SPG11: variants seen among roughly 807,000 people sequenced by gnomAD.
SPG11 encodes the protein SPG11 vesicle trafficking associated, spatacsin.
In SPG11, 222 loss-of-function variants were observed where a neutral mutation model predicts 274.0. The observed-to-expected ratio is 0.81, with a 90% CI of 0.73 to 0.91. SPG11 has a LOEUF of 0.91. Among genes scored for constraint, SPG11 ranks in the 40% least tolerant of loss-of-function variants. SPG11 has a pLI of 0.00. For synonymous variants in SPG11, 1,144 were observed against 1,039.7 expected (o/e 1.10, Z -1.93); for missense variants, 3,114 against 2,872.7 (o/e 1.08, Z -1.92).
At chr15:44,622,859 T>G in intron 11 of SPG11, 60 bp from the exon 12 acceptor site, 1 of 1,212,982 alleles carries the variant, frequency 8.2e-7, no homozygotes, top group South Asian at 1.2e-5. Context: ...ATTTTGAACA[T>G]AAATATGTGT....
At chr15:44,598,522 G>A in intron 22 of SPG11, 109 bp downstream of exon 22, 1 of 1,322,444 alleles carries the variant, frequency 7.6e-7, no homozygotes, top group Non-Finnish European at 1.1e-6. Flanking sequence ...TGCAGGAAAA[G>A]GATAAAACCA....
At chr15:44,618,242 C>T (rs564019922) in intron 15 of SPG11, among the ~76,000 whole-genome samples, 32 of 152,136 alleles carry the variant, frequency 2.1e-4, no homozygotes, top group African/African-American at 7.2e-4. Context: ...GGCGCAGTGG[C>T]TCACGCCTGT....
chr15:44,634,485 G>A (rs149330861), intron 7 of SPG11, among the ~76,000 whole-genome samples: 84 of 148,820 alleles, frequency 5.6e-4, no homozygotes, highest in African/African-American at 1.9e-3. Context: ...GTTTCACTGC[G>A]TTTGGCTAGG....
intron 28 of SPG11, 130 bp from the exon 29 acceptor site, chr15:44,585,980 G>T: frequency 5.9e-6 from 3 of 507,508 alleles, no homozygotes; most frequent in African/African-American, 2.1e-5. Flanking sequence ...AAAATAAAAA[G>T]CTGTTTTTTT....
At chr15:44,583,671 T>C in intron 30 of SPG11, 143 bp downstream of exon 30, 1 of 907,596 alleles carries the variant, frequency 1.1e-6, no homozygotes, top group Non-Finnish European at 1.7e-6. Context: ...CCTAGTTAAT[T>C]GGCTAGTCTA....
Position 44,659,396 on chromosome 15 carries a change from C to A in SPG11, c.443-93G>T. 3.7e-5 allele frequency: 42 copies of A among 1,135,928 alleles called. No homozygotes were observed. The Middle Eastern group carries it at 8.6e-4, about 23-fold the overall frequency. 70.4% of individuals were successfully genotyped at this position (1,135,928 alleles called of 1,614,324 possible). The stretch of plus-strand genomic sequence containing the variant: ...ATAAACCTAATACAAAAAAGTAAAA[C>A]AAAAAAGGAACTGGACTTAGTCTAA... On this transcript the variant is annotated intron_variant, in intron 2 of 39. Transcript: ENST00000261866.
In SPG11 at chr15:44,567,585, G is replaced by T. The variant is rs748671132; in HGVS notation, c.6593C>A (p.Thr2198Asn). The T allele has an allele frequency of 1.9e-6, 3 of 1,613,884 alleles. No homozygotes were observed. The highest frequency in any genetic ancestry group is 2.5e-6 in the Non-Finnish European group (3 of 1,179,978). The change falls in exon 36 of 40, where the codon ACC becomes AAC. Residue 2198 changes from threonine to asparagine, a missense_variant. Thr to Asn is a moderately conservative substitution (Grantham distance 65). Coordinates refer to ENST00000261866, the MANE Select transcript of SPG11 (RefSeq NM_025137.4). ...LMRKKLDPSG[T>N]LKTALLDYIK... The stretch of plus-strand genomic sequence containing the variant: ...GTAGTCCAGCAGGGCTGTTTTCAGG[G>T]TACCACTCTGCCCAGAATAAAAGGG...
intron 7 of SPG11, among the ~76,000 whole-genome samples, chr15:44,645,131 A>C (rs546817113): frequency 1.4e-4 from 22 of 152,252 alleles, no homozygotes; most frequent in Non-Finnish European, 2.9e-4. Flanking sequence ...CTATGCAAAA[A>C]GAACAAAGCT....
intron 20 of SPG11, 108 bp downstream of exon 20, chr15:44,605,917 T>C: frequency 1.0e-6 from 1 of 986,884 alleles, no homozygotes; most frequent in Non-Finnish European, 1.6e-6. Context: ...AATACACCTT[T>C]ACTTTTAAAA....
In SPG11 at chr15:44,663,626, C is replaced by A. The variant is rs770284228; in HGVS notation, c.22G>T (p.Ala8Ser). 2 of 1,595,566 alleles carry A rather than the reference C, an allele frequency of 1.3e-6. No individual in the cohort carries two copies. Among genetic ancestry groups the A allele is most frequent in the Non-Finnish European group, 1.7e-6 (2 of 1,176,294 alleles). MAAEEGV[A>S]SAASAGGSWG... is the part of the protein sequence containing the mutation. Reference sequence around the variant, plus strand: ...CTACCGCCGGCGGAAGCAGCACTCGCGACCCCTTCCTCTGCAGCCATCTTG... The same window carrying A: ...CTACCGCCGGCGGAAGCAGCACTCGAGACCCCTTCCTCTGCAGCCATCTTG... Residue 8 changes from alanine to serine, a missense_variant, in exon 1 of 40, where the codon GCG becomes TCG. Coordinates refer to ENST00000261866, the MANE Select transcript of SPG11 (RefSeq NM_025137.4).
intron 28 of SPG11, among the ~76,000 whole-genome samples, chr15:44,587,693 CAAAAAA>C (rs34479385): frequency 1.8e-4 from 6 of 34,054 alleles, no homozygotes; most frequent in African/African-American, 8.9e-4. Context: ...CAGACTGTCT[CAAAAAA>C]AAAAAAAAAA....
chr15:44,583,260 G>A (rs1192306242), intron 30 of SPG11, among the ~76,000 whole-genome samples: 1 of 152,104 alleles, frequency 6.6e-6, no homozygotes, highest in Non-Finnish European at 1.5e-5. Context: ...TGGACGAATC[G>A]CCTGAGGTCA....
intron 26 of SPG11, among the ~76,000 whole-genome samples, chr15:44,593,339 G>C (rs972860978): frequency 3.3e-5 from 5 of 152,092 alleles, no homozygotes. Context: ...CTAGAGGTGC[G>C]TGCCACCGTG....
intron 7 of SPG11, among the ~76,000 whole-genome samples, chr15:44,643,792 C>T (rs2084526606): frequency 6.6e-6 from 1 of 151,952 alleles, no homozygotes; most frequent in African/African-American, 2.4e-5. Context: ...ATGAGGCCAG[C>T]ATCATTCTGA....
chr15:44,605,721 A>T (rs112148315), intron 20 of SPG11, among the ~76,000 whole-genome samples: 2 of 152,314 alleles, frequency 1.3e-5, no homozygotes, highest in South Asian at 2.1e-4. Context: ...TTTAATGCTG[A>T]CACCTATGCT....
Position 44,651,480 on chromosome 15 carries a change from GAC to G in SPG11, c.1456+9_1456+10del, listed in dbSNP as rs2084774262. On this transcript the variant is annotated intron_variant, in intron 6 of 39. Coordinates refer to ENST00000261866, the MANE Select transcript of SPG11 (RefSeq NM_025137.4). ...AGCAATGGATTTCAATCTAATACAA[GAC>G]AGTCTCACCTGTCAAAACAAAGCAC... The G allele has an allele frequency of 2.5e-6, 4 of 1,610,028 alleles. No individual in the cohort carries two copies. Among genetic ancestry groups the G allele is most frequent in the Non-Finnish European group, 3.4e-6 (4 of 1,176,534 alleles).
Position 44,585,827 on chromosome 15 carries a change from T to C in SPG11, c.4930A>G (p.Ile1644Val), listed in dbSNP as rs1240092659. 6.2e-7 allele frequency: 1 copy of C among 1,614,030 alleles called. No homozygotes were observed. The highest frequency in any genetic ancestry group is 8.5e-7 in the Non-Finnish European group (1 of 1,179,982). The part of the protein sequence containing the change: ...SDGPDVKKLC[I>V]LCQILKDTSI... ...GTATCCTTCAAAATCTGGCAAAGGA[T>C]GCAAAGCTTTTTCACATCTGGACCT... Residue 1644 changes from isoleucine (I) to valine (V), a missense_variant, in exon 29 of 40, where the codon ATC becomes GTC. Ile to Val is a conservative substitution (Grantham distance 29). Transcript: ENST00000261866.
intron 7 of SPG11, among the ~76,000 whole-genome samples, chr15:44,635,724 C>A (rs1435209068): frequency 1.3e-5 from 2 of 150,520 alleles, no homozygotes; most frequent in Non-Finnish European, 3.0e-5. Context: ...CAAGACTAGC[C>A]TGACCAATAT....
chr15:44,651,637 G>A lies in SPG11; in HGVS notation c.1310C>T (p.Ala437Val), dbSNP rs368773832. The change falls in exon 6 of 40, where the codon GCA becomes GTA. Residue 437 changes from alanine to valine, a missense_variant. By Grantham distance (64) the Ala-to-Val change is moderately conservative. Coordinates refer to ENST00000261866, the MANE Select transcript of SPG11 (RefSeq NM_025137.4). ...LKCVSVTGFTALFTWEVERMG... is the reference protein window; with the variant it reads ...LKCVSVTGFTVLFTWEVERMG... ...CCTTTCCACTTCCCAAGTAAACAGT[G>A]CAGTGAATCCTGTCACAGACACACA... is the stretch of plus-strand genomic sequence containing the variant. The A allele has an allele frequency of 6.2e-7, 1 of 1,614,078 alleles. No homozygotes were observed. Among genetic ancestry groups the A allele is most frequent in the Non-Finnish European group, 8.5e-7 (1 of 1,180,040 alleles).
Sources: allele counts gnomAD v4.1 joint callset (sites outside exome capture counted in the v4.1 genomes callset), GRCh38; gene constraint gnomAD v4.1.1; transcripts MANE v1.5; gene names NCBI Gene and HGNC (gene_info 2026-07-23, HGNC 2026-07-21).